Variants in PTPRM observed in about 807,000 individuals in gnomAD.
The protein encoded by PTPRM is protein tyrosine phosphatase receptor type M, also known as receptor-type tyrosine-protein phosphatase mu.
A neutral mutation model predicts 186.7 loss-of-function variants in PTPRM; 47 were observed. The ratio of observed to expected loss-of-function variants is 0.25; its 90% CI spans 0.20 to 0.32. PTPRM has a LOEUF of 0.32. Ranked by LOEUF, PTPRM falls within the 10% of genes least tolerant of loss-of-function variation. The pLI is 1.00. For missense variants in PTPRM, 1,494 were observed against 1,865.0 expected (o/e 0.80, Z 3.66); for synonymous variants, 668 against 674.9 (o/e 0.99, Z 0.16).
intron 23 of PTPRM, among the ~76,000 whole-genome samples, chr18:8,369,049 A>G (rs1396539567): frequency 1.3e-5 from 2 of 152,148 alleles, no homozygotes; most frequent in Non-Finnish European, 2.9e-5. Flanking sequence ...AGAATGCAAA[A>G]AATCTTCAAC....
Position 7,983,898 on chromosome 18 carries a change from A to G in PTPRM, c.1132+28484A>G, listed in dbSNP as rs189194095. Among the ~76,000 whole-genome samples the G allele has an allele frequency of 3.7e-3, 563 of 152,286 alleles. 2 individuals carry two copies. Among genetic ancestry groups the G allele is most frequent in the African/African-American group, 0.013 (535 of 41,558 alleles). On this transcript the variant is annotated intron_variant, in intron 7 of 32. Coordinates refer to ENST00000580170, the MANE Select transcript of PTPRM (RefSeq NM_001105244.2). ...AATAAAAACCCCACTTCCACTCAAT[A>G]TTTAATGCTAAAGAGCCAGAGACAT... is the stretch of plus-strand genomic sequence containing the variant.
intron 14 of PTPRM, chr18:8,155,203 A>C (rs2093095434): frequency 6.6e-6 from 1 of 152,234 alleles, no homozygotes; most frequent in African/African-American, 2.4e-5. Context: ...TTTCATAAGG[A>C]ATAATGTATC....
chr18:7,925,037 A>G (rs924540107), intron 4 of PTPRM, among the ~76,000 whole-genome samples: 3 of 152,180 alleles, frequency 2.0e-5, no homozygotes, highest in Non-Finnish European at 4.4e-5. Context: ...ATTTGTGAGT[A>G]CTCAATGGAA....
chr18:7,731,938 G>T (rs558600463), intron 1 of PTPRM, among the ~76,000 whole-genome samples: 24 of 152,246 alleles, frequency 1.6e-4, no homozygotes, highest in Admixed American at 2.0e-4. Flanking sequence ...TGAATAATTT[G>T]TACATCTGCA....
At chr18:8,083,107 C>G (rs1000595353) in intron 9 of PTPRM, among the ~76,000 whole-genome samples, 1 of 152,118 alleles carries the variant, frequency 6.6e-6, no homozygotes, top group Non-Finnish European at 1.5e-5. Flanking sequence ...GCTCTAGGCC[C>G]TGGACTCTGC....
At chr18:8,382,647 G>A (rs552633571) in intron 29 of PTPRM, among the ~76,000 whole-genome samples, 1 of 152,072 alleles carries the variant, frequency 6.6e-6, no homozygotes, top group South Asian at 2.1e-4. Context: ...AACATAAAAG[G>A]CACCCTTGGT....
chr18:7,708,765 G>A (rs1312772718), intron 1 of PTPRM, among the ~76,000 whole-genome samples: 1 of 151,974 alleles, frequency 6.6e-6, no homozygotes, highest in African/African-American at 2.4e-5. Flanking sequence ...TATCAGATGA[G>A]CAAATATGAA....
chr18:7,827,176 A>G (rs2045529123), intron 2 of PTPRM, among the ~76,000 whole-genome samples: 1 of 152,224 alleles, frequency 6.6e-6, no homozygotes, highest in Non-Finnish European at 1.5e-5. Context: ...GGAGCAAAGT[A>G]AAATAAACAT....
intron 1 of PTPRM, among the ~76,000 whole-genome samples, chr18:7,649,950 CAT>C (rs2144264256): frequency 6.6e-6 from 1 of 152,078 alleles, no homozygotes; most frequent in African/African-American, 2.4e-5. Flanking sequence ...TTTTTAAAGA[CAT>C]AATGCTATTA....
intron 7 of PTPRM, among the ~76,000 whole-genome samples, chr18:8,031,636 C>T (rs2085983174): frequency 6.6e-6 from 1 of 152,168 alleles, no homozygotes; most frequent in Admixed American, 6.5e-5. Context: ...TAGAGTCTGA[C>T]AGGAGAAAAC....
At chr18:7,930,600 CT>C (rs925501274) in intron 5 of PTPRM, among the ~76,000 whole-genome samples, 7 of 152,044 alleles carry the variant, frequency 4.6e-5, no homozygotes, top group Non-Finnish European at 1.0e-4. Context: ...ACTATACCGT[CT>C]TGTTGAATTT....
chr18:7,580,594 A>G (rs2036817403), intron 1 of PTPRM, among the ~76,000 whole-genome samples: 2 of 152,200 alleles, frequency 1.3e-5, no homozygotes, highest in South Asian at 4.1e-4. Context: ...AGTGATAACC[A>G]TATATTGAGC....
chr18:8,299,054 T>A (rs1320504331), intron 20 of PTPRM, among the ~76,000 whole-genome samples: 1 of 152,094 alleles, frequency 6.6e-6, no homozygotes, highest in African/African-American at 2.4e-5. Context: ...GTATTGATTG[T>A]TTCCTTTCTA....
intron 10 of PTPRM, among the ~76,000 whole-genome samples, chr18:8,086,547 T>C (rs904514041): frequency 1.6e-4 from 24 of 152,140 alleles, no homozygotes; most frequent in African/African-American, 5.8e-4. Context: ...TTTTTCCCCT[T>C]TGGGTATGAG....
intron 1 of PTPRM, among the ~76,000 whole-genome samples, chr18:7,756,705 A>G (rs2041509628): frequency 6.6e-6 from 1 of 152,212 alleles, no homozygotes; most frequent in Admixed American, 6.5e-5. Context: ...ATATATATAC[A>G]ATAAGGAAAA....
At chr18:8,051,536 G>A (rs1000575041) in intron 7 of PTPRM, among the ~76,000 whole-genome samples, 2 of 151,810 alleles carry the variant, frequency 1.3e-5, no homozygotes, top group African/African-American at 4.8e-5. Flanking sequence ...TAGTTTTATC[G>A]CATACGTATG....
chr18:8,050,041 G>A (rs1468982896), intron 7 of PTPRM, among the ~76,000 whole-genome samples: 2 of 152,076 alleles, frequency 1.3e-5, no homozygotes, highest in Non-Finnish European at 2.9e-5. Flanking sequence ...CAACTAAGAA[G>A]GAATAGTCAT....
At chr18:8,247,292 G>C (rs2094485971) in intron 15 of PTPRM, among the ~76,000 whole-genome samples, 1 of 152,176 alleles carries the variant, frequency 6.6e-6, no homozygotes, top group Non-Finnish European at 1.5e-5. Flanking sequence ...GAGTGTTTCA[G>C]AGGAATATTT....
At chr18:7,628,843 C>T (rs1386627324) in intron 1 of PTPRM, among the ~76,000 whole-genome samples, 1 of 152,162 alleles carries the variant, frequency 6.6e-6, no homozygotes, top group Non-Finnish European at 1.5e-5. Flanking sequence ...TCCGTGCATG[C>T]TTGAGCAATT....
Sources: allele counts gnomAD v4.1 joint callset (sites outside exome capture counted in the v4.1 genomes callset), GRCh38; gene constraint gnomAD v4.1.1; transcripts MANE v1.5; gene names NCBI Gene and HGNC (gene_info 2026-07-23, HGNC 2026-07-21).